ARB2A: variants seen among roughly 807,000 people sequenced by gnomAD.
ARB2A encodes cotranscriptional regulator ARB2A.
the ARB2A span, among the ~76,000 whole-genome samples, chr5:93,664,538 G>A: frequency 1.3e-5 from 2 of 151,524 alleles, no homozygotes; most frequent in East Asian, 2.0e-4. Context: ...AGCTGAGGCA[G>A]GAGAATGACA....
At chr5:93,702,660 G>C in the ARB2A span, among the ~76,000 whole-genome samples, 1 of 152,128 alleles carries the variant, frequency 6.6e-6, no homozygotes, top group East Asian at 1.9e-4. Flanking sequence ...TGGAAGGGTT[G>C]GGTTGGGTAG....
chr5:93,792,291 T>C, the ARB2A span, among the ~76,000 whole-genome samples: 1 of 152,210 alleles, frequency 6.6e-6, no homozygotes, highest in African/African-American at 2.4e-5. Flanking sequence ...AGATACAGTA[T>C]AAAAGTGTAA....
At chr5:93,659,556 A>C in the ARB2A span, among the ~76,000 whole-genome samples, 4 of 152,158 alleles carry the variant, frequency 2.6e-5, no homozygotes, top group Admixed American at 6.5e-5. Context: ...AATTTGAAAA[A>C]GACTTTCTGG....
chr5:94,072,040 A>G, the ARB2A span, among the ~76,000 whole-genome samples: 1 of 152,174 alleles, frequency 6.6e-6, no homozygotes, highest in Admixed American at 6.5e-5. Context: ...GGTAATAAAC[A>G]CAAATGAACT....
At chr5:93,859,318 C>G in the ARB2A span, among the ~76,000 whole-genome samples, 4 of 150,670 alleles carry the variant, frequency 2.7e-5, no homozygotes, top group Non-Finnish European at 4.4e-5. Context: ...ATTATCAATA[C>G]GGGAAAAAAG....
chr5:94,020,264 T>C, the ARB2A span, among the ~76,000 whole-genome samples: 2 of 62,850 alleles, frequency 3.2e-5, no homozygotes, highest in African/African-American at 1.3e-4. Flanking sequence ...CATCACACAC[T>C]GGGGCCTGTT....
At chr5:94,084,137 G>T in the ARB2A span, among the ~76,000 whole-genome samples, 1 of 151,830 alleles carries the variant, frequency 6.6e-6, no homozygotes, top group Non-Finnish European at 1.5e-5. Context: ...AGCCGGGCAT[G>T]GTGGCAGGCA....
chr5:93,760,364 A>G, the ARB2A span, among the ~76,000 whole-genome samples: 1 of 152,186 alleles, frequency 6.6e-6, no homozygotes, highest in Non-Finnish European at 1.5e-5. Flanking sequence ...CTCCATCAAA[A>G]TACCACCATC....
chr5:93,889,543 A>C, the ARB2A span, among the ~76,000 whole-genome samples: 2 of 151,848 alleles, frequency 1.3e-5, no homozygotes, highest in Non-Finnish European at 2.9e-5. Context: ...AAATATGCAA[A>C]ACATGATGTC....
the ARB2A span, among the ~76,000 whole-genome samples, chr5:93,627,666 T>A: frequency 6.6e-6 from 1 of 152,064 alleles, no homozygotes; most frequent in African/African-American, 2.4e-5. Flanking sequence ...GGTCTTGAAC[T>A]CCTGACCTCG....
the ARB2A span, among the ~76,000 whole-genome samples, chr5:93,965,367 G>C: frequency 6.6e-6 from 1 of 151,914 alleles, no homozygotes; most frequent in Non-Finnish European, 1.5e-5. Context: ...AATTCAGCCA[G>C]CAACCCTTAT....
chr5:93,985,965 T>G, the ARB2A span, among the ~76,000 whole-genome samples: 1 of 147,208 alleles, frequency 6.8e-6, no homozygotes, highest in African/African-American at 2.6e-5. Flanking sequence ...CGTCATCCCA[T>G]CTAGGAAGTG....
chr5:93,924,906 C>A, the ARB2A span, among the ~76,000 whole-genome samples: 4 of 152,132 alleles, frequency 2.6e-5, no homozygotes, highest in Admixed American at 2.6e-4. Flanking sequence ...CACTCATGCA[C>A]AGACTCTATT....
the ARB2A span, among the ~76,000 whole-genome samples, chr5:93,819,888 A>G: frequency 1.3e-5 from 2 of 152,208 alleles, no homozygotes; most frequent in Non-Finnish European, 2.9e-5. Flanking sequence ...AATGGCAGGA[A>G]AATAGAGTTC....
chr5:93,772,846 C>G, the ARB2A span, among the ~76,000 whole-genome samples: 1 of 152,180 alleles, frequency 6.6e-6, no homozygotes, highest in African/African-American at 2.4e-5. Flanking sequence ...AGTGAGCAAG[C>G]TAGAGGACAA....
the ARB2A span, among the ~76,000 whole-genome samples, chr5:93,662,391 T>C: frequency 1.3e-5 from 2 of 152,164 alleles, no homozygotes; most frequent in African/African-American, 4.8e-5. Flanking sequence ...TTATTACACA[T>C]AGAAACAAAT....
At chr5:94,042,297 G>A in the ARB2A span, among the ~76,000 whole-genome samples, 1 of 139,434 alleles carries the variant, frequency 7.2e-6, no homozygotes, top group African/African-American at 2.6e-5. Flanking sequence ...CTGATCTGCT[G>A]TTTAACAAAA....
the ARB2A span, among the ~76,000 whole-genome samples, chr5:94,011,743 A>C: frequency 1.3e-5 from 2 of 152,106 alleles, no homozygotes; most frequent in South Asian, 4.1e-4. Flanking sequence ...GGCACTGAAT[A>C]AAATACTCAA....
chr5:93,911,459 G>T, the ARB2A span, among the ~76,000 whole-genome samples: 1 of 151,744 alleles, frequency 6.6e-6, no homozygotes, highest in East Asian at 1.9e-4. Context: ...AAGCTTGAAA[G>T]AAGGCTTCTT....
Sources: gnomAD v4.1 joint callset for allele counts (sites outside exome capture counted in the v4.1 genomes callset) on GRCh38, gnomAD v4.1.1 for gene constraint, MANE v1.5 for transcripts, NCBI Gene and HGNC (gene_info 2026-07-23, HGNC 2026-07-21) for gene names.